BRK1: variants seen among roughly 807,000 people sequenced by gnomAD.
The protein encoded by BRK1 is BRICK1 subunit of SCAR/WAVE actin nucleating complex.
BRK1 carries 6 observed loss-of-function variants against 9.9 expected under a neutral mutation model. The observed-to-expected ratio is 0.60, with a 90% CI of 0.33 to 1.19. The LOEUF (loss-of-function observed/expected upper bound fraction) is 1.19, where lower values mean the gene tolerates loss of function less well. Ranked by LOEUF, BRK1 falls within the 50% of genes most tolerant of loss-of-function variation. BRK1 has a pLI of 0.04. For missense variants in BRK1, 62 were observed against 97.5 expected (o/e 0.64, Z 1.53); for synonymous variants, 44 against 31.9 (o/e 1.38, Z -1.28).
intron 2 of BRK1, 56 bp downstream of exon 2, chr3:10,125,764 GA>G: frequency 1.5e-6 from 2 of 1,292,694 alleles, no homozygotes; most frequent in South Asian, 1.3e-5. Context: ...ACTTATTGCT[GA>G]AAAAAACCTG....
Position 10,125,636 on chromosome 3 carries a change from T to C in BRK1, c.129T>C (p.Cys43=), listed in dbSNP as rs945646652. The change falls in exon 2 of 3, where the codon TGT becomes TGC. Residue 43 remains cysteine (C), a synonymous_variant. Coordinates refer to ENST00000530758, the MANE Select transcript of BRK1 (RefSeq NM_018462.5). ...GTCTCTTTTTCTCAGATATGTCTTG[T>C]CGTTCAAGACTTGCAACACTAAACG... ...ADFLNSFDMS[C]RSRLATLNEK... is the part of the protein sequence containing the mutation. 1 of 1,610,348 alleles carries C rather than the reference T, an allele frequency of 6.2e-7. No individual in the cohort carries two copies. Among genetic ancestry groups the C allele is most frequent in the African/African-American group, 1.3e-5 (1 of 74,878 alleles).
intron 1 of BRK1, among the ~76,000 whole-genome samples, chr3:10,123,142 A>G (rs1242505197): frequency 6.6e-6 from 1 of 152,260 alleles, no homozygotes; most frequent in African/African-American, 2.4e-5. Flanking sequence ...TGGAAAAAGA[A>G]TAGTTCCTGT....
intron 1 of BRK1, among the ~76,000 whole-genome samples, chr3:10,121,222 T>C (rs185862756): frequency 4.1e-4 from 63 of 152,218 alleles, no homozygotes; most frequent in Non-Finnish European, 4.3e-4. Context: ...AAGGTATCTT[T>C]TGGGGATGAT....
chr3:10,117,489 A>T (rs1048291762), intron 1 of BRK1, among the ~76,000 whole-genome samples: 1 of 144,972 alleles, frequency 6.9e-6, no homozygotes, highest in Non-Finnish European at 1.5e-5. Flanking sequence ...TTCCTCCTGG[A>T]TTCAAATGAT....
At chr3:10,125,343 G>A (rs1005398528) in intron 1 of BRK1, among the ~76,000 whole-genome samples, 3 of 152,094 alleles carry the variant, frequency 2.0e-5, no homozygotes, top group African/African-American at 7.2e-5. Context: ...GACCTCAGGT[G>A]ATCCACCCGC....
At chr3:10,120,215 G>A (rs1695739564) in intron 1 of BRK1, among the ~76,000 whole-genome samples, 1 of 148,134 alleles carries the variant, frequency 6.8e-6, no homozygotes, top group Non-Finnish European at 1.5e-5. Flanking sequence ...TTTTTTTTAA[G>A]ATGGAGTCTT....
intron 1 of BRK1, among the ~76,000 whole-genome samples, chr3:10,119,843 G>A (rs1695733660): frequency 6.6e-6 from 1 of 152,132 alleles, no homozygotes; most frequent in Non-Finnish European, 1.5e-5. Context: ...ACAAAATAGA[G>A]AATGTGGCTG....
rs535533976 is a variant in BRK1, at chr3:10,121,865, G to A, written c.119-3761G>A. On this transcript the variant is annotated intron_variant, in intron 1 of 2. Transcript: ENST00000530758. Reference sequence around the variant, plus strand: ...CAAAGTGCTGGGATTACAGGCGTGAGCCTCTGCACCCGGCCACTTTTTTTT... The same window carrying A: ...CAAAGTGCTGGGATTACAGGCGTGAACCTCTGCACCCGGCCACTTTTTTTT... Among the ~76,000 whole-genome samples the A allele has an allele frequency of 1.4e-3, 201 of 146,256 alleles. 1 individual carries two copies. Among genetic ancestry groups the A allele is most frequent in the African/African-American group, 4.8e-3 (190 of 39,428 alleles).
In BRK1 at chr3:10,121,951, G is replaced by A. The variant is rs1695762814; in HGVS notation, c.119-3675G>A. Among the ~76,000 whole-genome samples, 3 of 146,908 alleles carry A rather than the reference G, an allele frequency of 2.0e-5. No homozygotes were observed. In the Admixed American group the frequency reaches 2.1e-4, roughly 10 times the overall value. ...GTTGCCCAGGCTGGAGTGCAGTGGT[G>A]CAGTCTTGACTCTCTGCAACCTCCG... On this transcript the variant is annotated intron_variant, in intron 1 of 2. Transcript: ENST00000530758.
In BRK1 at chr3:10,119,516, C is replaced by A. The variant is rs971233819; in HGVS notation, c.118+3697C>A. On this transcript the variant is annotated intron_variant, in intron 1 of 2. Coordinates refer to ENST00000530758, the MANE Select transcript of BRK1 (RefSeq NM_018462.5). ...AAGTTCTTCAAATATGTTAGCAATTCTGTAGTCCTTACCCTGACCACAGAG... is the reference window on the plus strand; with the variant it reads ...AAGTTCTTCAAATATGTTAGCAATTATGTAGTCCTTACCCTGACCACAGAG... Among the ~76,000 whole-genome samples the A allele has an allele frequency of 2.6e-5, 4 of 152,132 alleles. No homozygotes were observed. The South Asian group carries it at 8.3e-4, about 32-fold the overall frequency.
intron 1 of BRK1, among the ~76,000 whole-genome samples, chr3:10,118,207 C>T (rs908232224): frequency 2.1e-5 from 3 of 146,062 alleles, no homozygotes; most frequent in African/African-American, 7.6e-5. Context: ...GAGCAGGGAT[C>T]GTGCCACTGC....
chr3:10,115,796 T>C lies in BRK1; in HGVS notation c.95T>C (p.Ile32Thr). ...IEIITSSIKK[I>T]ADFLNSFDMS... ...ATAATCACCAGCAGCATCAAGAAAA[T>C]CGCAGACTTTCTCAACTCGTTCGGT... Residue 32 changes from isoleucine to threonine, a missense_variant, in exon 1 of 3, where the codon ATC (isoleucine) becomes ACC (threonine). Coordinates refer to ENST00000530758, the MANE Select transcript of BRK1 (RefSeq NM_018462.5). 6.2e-7 allele frequency: 1 copy of C among 1,613,252 alleles called. No homozygotes were observed. Among genetic ancestry groups the C allele is most frequent in the Non-Finnish European group, 8.5e-7 (1 of 1,179,572 alleles).
At chr3:10,119,421 G>A (rs1575905444) in intron 1 of BRK1, among the ~76,000 whole-genome samples, 1 of 152,156 alleles carries the variant, frequency 6.6e-6, no homozygotes, top group South Asian at 2.1e-4. Context: ...TCGTGCCACT[G>A]TACTCCAGCC....
At chr3:10,121,075 T>C (rs1450970834) in intron 1 of BRK1, among the ~76,000 whole-genome samples, 4 of 152,144 alleles carry the variant, frequency 2.6e-5, no homozygotes, top group African/African-American at 9.7e-5. Context: ...ATACTTAAGC[T>C]AGACCTGGGA....
intron 1 of BRK1, among the ~76,000 whole-genome samples, chr3:10,117,049 C>T (rs1365999339): frequency 6.6e-6 from 1 of 152,118 alleles, no homozygotes; most frequent in Non-Finnish European, 1.5e-5. Flanking sequence ...TCAAGACCAG[C>T]CTGAGCAACA....
chr3:10,122,345 A>G (rs1019010796), intron 1 of BRK1, among the ~76,000 whole-genome samples: 4 of 152,190 alleles, frequency 2.6e-5, no homozygotes, highest in African/African-American at 9.6e-5. Context: ...GCACATTCTT[A>G]TTTGTAAAAT....
chr3:10,126,555 G>A lies in BRK1; in HGVS notation c.*260G>A. On this transcript the variant is annotated 3_prime_UTR_variant, in exon 3 of 3. Coordinates refer to ENST00000530758, the MANE Select transcript of BRK1 (RefSeq NM_018462.5). ...ACATTTTATACATCTACTTGTCAAT[G>A]TATTTGAGACATTCACAGCCAAAAG... is the stretch of plus-strand genomic sequence containing the variant. The A allele has an allele frequency of 2.4e-6, 1 of 416,776 alleles. No individual in the cohort carries two copies. The highest frequency in any genetic ancestry group is 4.3e-6 in the Non-Finnish European group (1 of 232,924). 25.8% of individuals were successfully genotyped at this position (416,776 alleles called of 1,614,324 possible). A position where few individuals can be genotyped will look rare whatever the true frequency, so the allele number is the denominator to read the frequency against.
intron 1 of BRK1, among the ~76,000 whole-genome samples, chr3:10,117,498 A>C (rs1695700468): frequency 6.8e-6 from 1 of 147,544 alleles, no homozygotes. Flanking sequence ...GATTCAAATG[A>C]TTCTCATGCC....
intron 1 of BRK1, among the ~76,000 whole-genome samples, chr3:10,119,274 T>C (rs991189530): frequency 6.6e-6 from 1 of 151,922 alleles, no homozygotes; most frequent in Non-Finnish European, 1.5e-5. Flanking sequence ...CTGGCCAATA[T>C]GGCGAAACCC....
Sources: allele counts gnomAD v4.1 joint callset (sites outside exome capture counted in the v4.1 genomes callset), GRCh38; gene constraint gnomAD v4.1.1; transcripts MANE v1.5; gene names NCBI Gene and HGNC (gene_info 2026-07-23, HGNC 2026-07-21).